KDM5B: variants seen among roughly 807,000 people sequenced by gnomAD.
The protein encoded by KDM5B is lysine demethylase 5B, also known as lysine-specific demethylase 5B.
In KDM5B, 144 loss-of-function variants were observed where a neutral mutation model predicts 193.4. That is an observed-to-expected ratio of 0.74 (90% confidence interval 0.65 to 0.86). The LOEUF (loss-of-function observed/expected upper bound fraction) is 0.86, where lower values mean the gene tolerates loss of function less well. Ranked by LOEUF, KDM5B falls within the 40% of genes least tolerant of loss-of-function variation. KDM5B has a pLI of 0.00. For synonymous variants in KDM5B, 668 were observed against 682.6 expected (o/e 0.98, Z 0.33); for missense variants, 1,833 against 1,886.9 (o/e 0.97, Z 0.53).
intron 1 of KDM5B, among the ~76,000 whole-genome samples, chr1:202,787,784 T>G (rs1211721998): frequency 2.0e-5 from 3 of 151,686 alleles, no homozygotes; most frequent in African/African-American, 7.3e-5. Context: ...TCCCAGCTAC[T>G]TGGGAGGCTG....
intron 20 of KDM5B, among the ~76,000 whole-genome samples, chr1:202,738,469 G>A (rs911167103): frequency 6.6e-6 from 1 of 152,080 alleles, no homozygotes; most frequent in African/African-American, 2.4e-5. Flanking sequence ...TTTGTTTTTG[G>A]CTTGCTGGAG....
intron 9 of KDM5B, among the ~76,000 whole-genome samples, chr1:202,756,990 T>C (rs1316842611): frequency 2.6e-5 from 4 of 152,138 alleles, no homozygotes; most frequent in Non-Finnish European, 5.9e-5. Context: ...AAACACAGTA[T>C]ATAGCAGTGG....
At chr1:202,772,767 G>T (rs1272099563) in intron 4 of KDM5B, among the ~76,000 whole-genome samples, 1 of 151,918 alleles carries the variant, frequency 6.6e-6, no homozygotes, top group African/African-American at 2.4e-5. Flanking sequence ...CACCATCTCG[G>T]CTCACTGCAA....
intron 18 of KDM5B, among the ~76,000 whole-genome samples, chr1:202,741,966 C>T (rs1655362451): frequency 6.6e-6 from 1 of 150,420 alleles, no homozygotes; most frequent in South Asian, 2.1e-4. Flanking sequence ...ACCTCCGCCT[C>T]TTGGGTTCAA....
intron 2 of KDM5B, 43 bp downstream of exon 2, chr1:202,776,974 C>G (rs772155266): frequency 8.4e-7 from 1 of 1,192,520 alleles, no homozygotes; most frequent in African/African-American, 1.5e-5. Context: ...CAAAGACGGT[C>G]CCCCTGGAAT....
intron 2 of KDM5B, among the ~76,000 whole-genome samples, chr1:202,775,029 C>T (rs1026886980): frequency 8.6e-5 from 13 of 150,636 alleles, no homozygotes; most frequent in Admixed American, 2.0e-4. Context: ...ATCACAAGGT[C>T]GGGAGTTCGA....
intron 1 of KDM5B, among the ~76,000 whole-genome samples, chr1:202,784,436 T>C (rs1657324576): frequency 6.6e-6 from 1 of 152,194 alleles, no homozygotes; most frequent in Non-Finnish European, 1.5e-5. Context: ...ATAGAATAAA[T>C]GCACTTGCAA....
At chr1:202,778,401 A>C (rs1434266437) in intron 1 of KDM5B, among the ~76,000 whole-genome samples, 1 of 152,148 alleles carries the variant, frequency 6.6e-6, no homozygotes, top group African/African-American at 2.4e-5. Context: ...AAAATGTGTT[A>C]ATAGGTTTCA....
chr1:202,752,907 G>C lies in KDM5B; in HGVS notation c.1699C>G (p.Pro567Ala). 1.2e-6 allele frequency: 2 copies of C among 1,612,520 alleles called. No individual in the cohort carries two copies. The highest frequency in any genetic ancestry group is 1.7e-6 in the Non-Finnish European group (2 of 1,179,430). The change falls in exon 12 of 27, where the codon CCT becomes GCT. Residue 567 changes from proline (P) to alanine (A), a missense_variant and splice_region_variant. Coordinates refer to ENST00000367265, the MANE Select transcript of KDM5B (RefSeq NM_006618.5). ...NPNTLMTHEV[P>A]VYRTNQCAGE... is the part of the protein sequence containing the mutation. ...AGGAGGATTAACCCAGAACATACAG[G>C]CACTTCATGAGTCATCAGGGTATTG...
intron 1 of KDM5B, among the ~76,000 whole-genome samples, chr1:202,799,322 C>T (rs566526972): frequency 1.3e-5 from 2 of 152,302 alleles, no homozygotes; most frequent in Admixed American, 1.3e-4. Flanking sequence ...AAATACCCCT[C>T]CTGTCCTCTT....
Position 202,736,945 on chromosome 1 carries a change from A to G in KDM5B, c.3085-553T>C, listed in dbSNP as rs531620174. 1.1e-4 allele frequency among the ~76,000 whole-genome samples: 17 copies of G among 152,252 alleles called. 1 individual carries two copies. Among genetic ancestry groups the G allele is most frequent in the Middle Eastern group, 3.4e-3 (1 of 294 alleles). On this transcript the variant is annotated intron_variant, in intron 20 of 26. Coordinates refer to ENST00000367265, the MANE Select transcript of KDM5B (RefSeq NM_006618.5). ...TGAGCCACTGTGCTGGGCCTAGAGA[A>G]CCTAGTTTGTGCTAGGCTCTAAGGA...
At position 202,752,923 on chromosome 1, in the gene KDM5B, C is replaced by T; in HGVS notation, c.1683G>A (p.Leu561=). Residue 561 remains leucine, a synonymous_variant, in exon 12 of 27, where the codon CTG becomes CTA. Coordinates refer to ENST00000367265, the MANE Select transcript of KDM5B (RefSeq NM_006618.5). ...QLVTIMNPNT[L]MTHEVPVYRT... ...AACATACAGGCACTTCATGAGTCAT[C>T]AGGGTATTGGGGTTCATGATGGTCA... The T allele has an allele frequency of 1.9e-6, 3 of 1,613,936 alleles. No homozygotes were observed. Among genetic ancestry groups the T allele is most frequent in the African/African-American group, 2.7e-5 (2 of 75,018 alleles).
In KDM5B at chr1:202,752,870, A is replaced by G. The variant is rs776940523; in HGVS notation, c.1701+35T>C. On this transcript the variant is annotated intron_variant, in intron 12 of 26. Coordinates refer to ENST00000367265, the MANE Select transcript of KDM5B (RefSeq NM_006618.5). Reference sequence around the variant, plus strand: ...AAGGAAAAAGAGAAGTGGTGAATTAAGCTTGAGTGGCAGGAGGATTAACCC... The same window carrying G: ...AAGGAAAAAGAGAAGTGGTGAATTAGGCTTGAGTGGCAGGAGGATTAACCC... 5 of 1,578,970 alleles carry G rather than the reference A, an allele frequency of 3.2e-6. No individual in the cohort carries two copies. The Admixed American group carries it at 9.2e-5, about 29-fold the overall frequency.
At position 202,727,485 on chromosome 1, in the gene KDM5B, T is replaced by C. The variant is rs1266135292; in HGVS notation, c.*1551A>G. 1 of 152,774 alleles carries C rather than the reference T, an allele frequency of 6.5e-6. No individual in the cohort carries two copies. Among genetic ancestry groups the C allele is most frequent in the East Asian group, 1.9e-4 (1 of 5,190 alleles). 9.5% of individuals were successfully genotyped at this position (152,774 alleles called of 1,614,324 possible). A position where few individuals can be genotyped will look rare whatever the true frequency, so the allele number is the denominator to read the frequency against. The stretch of plus-strand genomic sequence containing the variant: ...ACCTCTGCTATATCACAAACTGCTG[T>C]TTTTGTTGTTGTTTTATTAAAGACC... On this transcript the variant is annotated 3_prime_UTR_variant, in exon 27 of 27. Transcript: ENST00000367265.
intron 1 of KDM5B, chr1:202,807,393 A>G (rs1180635582): frequency 2.2e-5 from 1 of 45,360 alleles, no homozygotes; most frequent in Non-Finnish European, 4.6e-5. Flanking sequence ...AACGCCCCCC[A>G]CAAACATCCG....
chr1:202,748,378 T>G (rs907538907), intron 14 of KDM5B, among the ~76,000 whole-genome samples: 1 of 152,026 alleles, frequency 6.6e-6, no homozygotes, highest in Non-Finnish European at 1.5e-5. Context: ...AAAACATGAT[T>G]CACACAAGAA....
intron 1 of KDM5B, among the ~76,000 whole-genome samples, chr1:202,800,402 G>A (rs1044395018): frequency 1.3e-5 from 2 of 151,980 alleles, no homozygotes; most frequent in African/African-American, 2.4e-5. Context: ...GTGCAGTGGC[G>A]TGATCAGGGC....
chr1:202,766,808 T>G, intron 5 of KDM5B, 118 bp downstream of exon 5: 1,053 of 1,115,756 alleles, frequency 9.4e-4, no homozygotes, highest in Non-Finnish European at 1.2e-3. Context: ...CATCCCTTTG[T>G]GAGATTAACA....
intron 19 of KDM5B, 116 bp from the exon 20 acceptor site, chr1:202,740,928 A>G (rs1283267666): frequency 9.7e-7 from 1 of 1,030,422 alleles, no homozygotes; most frequent in Non-Finnish European, 1.4e-6. Context: ...ATTTTTTTCA[A>G]ATGACATTGT....
Sources: allele counts gnomAD v4.1 joint callset (sites outside exome capture counted in the v4.1 genomes callset), GRCh38; gene constraint gnomAD v4.1.1; transcripts MANE v1.5; gene names NCBI Gene and HGNC (gene_info 2026-07-23, HGNC 2026-07-21).